Variants in GALNS observed in about 807,000 individuals in gnomAD.
The protein encoded by GALNS is N-acetylgalactosamine-6-sulfatase.
A neutral mutation model predicts 65.9 loss-of-function variants in GALNS; 65 were observed. The observed-to-expected ratio is 0.99, with a 90% CI of 0.81 to 1.21. The LOEUF is 1.21. GALNS is among the 50% of genes most tolerant of loss of function. The pLI, the probability that GALNS is intolerant of heterozygous loss-of-function variation, is 0.00. For missense variants in GALNS, 776 were observed against 700.7 expected, an observed-to-expected ratio of 1.11 and a Z score of -1.21; for synonymous variants, 346 against 288.9, an observed-to-expected ratio of 1.20 and a Z score of -2.00.
intron 13 of GALNS, chr16:88,816,691 T>G: frequency 4.1e-6 from 4 of 985,418 alleles, no homozygotes; most frequent in Non-Finnish European, 4.8e-6. Context: ...GCCCACGCTG[T>G]GGCTCCCTGG....
In GALNS at chr16:88,835,207, A is replaced by G. The variant is rs1474714653; in HGVS notation, c.898+6T>C. The G allele has an allele frequency of 6.3e-6, 10 of 1,575,694 alleles. No homozygotes were observed. Among genetic ancestry groups the G allele is most frequent in the Non-Finnish European group, 8.6e-6 (10 of 1,159,344 alleles). ...GAAACCGTGAGAAGTGACAGCGAGCACTCACCTTGTTCGGGGGCGGAAATG... is the reference window on the plus strand; with the variant it reads ...GAAACCGTGAGAAGTGACAGCGAGCGCTCACCTTGTTCGGGGGCGGAAATG... On this transcript the variant is annotated splice_donor_region_variant and intron_variant, in intron 8 of 13. Transcript: ENST00000268695.
intron 12 of GALNS, among the ~76,000 whole-genome samples, chr16:88,822,048 C>A (rs530168719): frequency 6.6e-6 from 1 of 152,110 alleles, no homozygotes; most frequent in Non-Finnish European, 1.5e-5. Context: ...GCCTCTGTGT[C>A]GCCCCTAAGG....
intron 12 of GALNS, 93 bp downstream of exon 12, chr16:88,822,496 C>T (rs1173535021): frequency 2.0e-6 from 3 of 1,530,224 alleles, no homozygotes; most frequent in Admixed American, 3.4e-5. Context: ...AGGCGGCGGG[C>T]AGGGTGCAGA....
chr16:88,835,875 C>T, intron 6 of GALNS, 26 bp from the exon 7 acceptor site: 1 of 1,613,592 alleles, frequency 6.2e-7, no homozygotes, highest in Non-Finnish European at 8.5e-7. Flanking sequence ...CACCGTCGTC[C>T]TCCAGCCTCA....
chr16:88,822,887 T>C (rs566315025), intron 11 of GALNS, among the ~76,000 whole-genome samples, 177 bp from the exon 12 acceptor site: 1 of 152,154 alleles, frequency 6.6e-6, no homozygotes, highest in South Asian at 2.1e-4. Context: ...CCTAGCAGCG[T>C]CCCTGGTACT....
intron 13 of GALNS, chr16:88,816,965 C>T: frequency 1.0e-6 from 1 of 985,476 alleles, no homozygotes; most frequent in Admixed American, 6.1e-5. Context: ...CGGCCATCTC[C>T]ACTGTGCTCG....
chr16:88,849,275 C>G, intron 1 of GALNS, among the ~76,000 whole-genome samples: 1 of 152,046 alleles, frequency 6.6e-6, no homozygotes, highest in East Asian at 1.9e-4. Context: ...CCACCATGCC[C>G]AGTTAATTAT....
chr16:88,836,039 C>G (rs1912099571), intron 6 of GALNS, among the ~76,000 whole-genome samples, 162 bp downstream of exon 6: 1 of 151,578 alleles, frequency 6.6e-6, no homozygotes, highest in South Asian at 2.1e-4. Context: ...CGGTCCCCGT[C>G]CCCACGCGTC....
Position 88,832,028 on chromosome 16 carries a change from T to C in GALNS, c.972A>G (p.Ala324=), listed in dbSNP as rs1379176734. 3 of 1,613,638 alleles carry C rather than the reference T, an allele frequency of 1.9e-6. No homozygotes were observed. The highest frequency in any genetic ancestry group is 1.7e-6 in the Non-Finnish European group (2 of 1,179,870). The part of the protein sequence containing the change: ...FEGGMREPAL[A]WWPGHVTAGQ... ...CTGCAGTGACGTGCCCTGGCCACCA[T>C]GCGAGGGCAGGCTCCCTCATCCCTC... Residue 324 remains alanine, a synonymous_variant, in exon 9 of 14, where the codon GCA becomes GCG. Transcript: ENST00000268695.
chr16:88,820,551 G>A (rs1420786452), intron 12 of GALNS, among the ~76,000 whole-genome samples: 6 of 152,238 alleles, frequency 3.9e-5, no homozygotes, highest in African/African-American at 1.4e-4. Flanking sequence ...GTTCTCAAAG[G>A]CATGGCCGAC....
chr16:88,829,400 G>C (rs1376562689), intron 9 of GALNS, among the ~76,000 whole-genome samples: 1 of 152,210 alleles, frequency 6.6e-6, no homozygotes, highest in Non-Finnish European at 1.5e-5. Flanking sequence ...CAACAAGGCG[G>C]TCACTCTCAC....
In GALNS at chr16:88,818,007, C is replaced by A; in HGVS notation, c.1482G>T (p.Met494Ile). The change falls in exon 13 of 14, where the codon ATG becomes ATT. Residue 494 changes from methionine to isoleucine, a missense_variant and splice_region_variant. Coordinates refer to ENST00000268695, the MANE Select transcript of GALNS (RefSeq NM_000512.5). ...GGCCGCCCACACACCAGCCACTTAC[C>A]ATGACCGCCCAGTTGCACACGTTGA... ...PQLNVCNWAV[M>I]NWAPPGCEKL... The A allele has an allele frequency of 6.3e-7, 1 of 1,580,218 alleles. No individual in the cohort carries two copies. Among genetic ancestry groups the A allele is most frequent in the East Asian group, 2.3e-5 (1 of 43,078 alleles).
chr16:88,825,622 G>T (rs1910806853), intron 10 of GALNS, among the ~76,000 whole-genome samples: 1 of 151,798 alleles, frequency 6.6e-6, no homozygotes, highest in African/African-American at 2.4e-5. Flanking sequence ...TGGGCGGCCG[G>T]GGCTAGGGTG....
At chr16:88,850,758 G>A (rs891238351) in intron 1 of GALNS, among the ~76,000 whole-genome samples, 14 of 152,346 alleles carry the variant, frequency 9.2e-5, no homozygotes, top group East Asian at 3.9e-4. Context: ...GGATGCTGAC[G>A]GGGAAGCTGT....
chr16:88,847,676 C>A (rs139960473), intron 1 of GALNS, among the ~76,000 whole-genome samples: 1 of 152,216 alleles, frequency 6.6e-6, no homozygotes, highest in Admixed American at 6.5e-5. Context: ...AGAGTCTGAT[C>A]GCTGATTGTC....
intron 1 of GALNS, chr16:88,843,295 G>A (rs1230620242): frequency 9.3e-7 from 1 of 1,076,484 alleles, no homozygotes; most frequent in East Asian, 5.9e-5. Flanking sequence ...CAGTTATCGT[G>A]TGACCCTGCA....
intron 1 of GALNS, among the ~76,000 whole-genome samples, chr16:88,845,980 A>T (rs1209507490): frequency 6.6e-6 from 1 of 152,090 alleles, no homozygotes; most frequent in African/African-American, 2.4e-5. Context: ...AGGGTGAGAC[A>T]CTCTCACTAA....
At chr16:88,831,205 C>G (rs952538898) in intron 9 of GALNS, among the ~76,000 whole-genome samples, 1 of 151,960 alleles carries the variant, frequency 6.6e-6, no homozygotes, top group Admixed American at 6.6e-5. Context: ...GACCTGGTTC[C>G]GAGGAGAGCG....
At chr16:88,855,405 A>T (rs1423910911) in intron 1 of GALNS, 1 of 702,776 alleles carries the variant, frequency 1.4e-6, no homozygotes. Flanking sequence ...GAAAGGATGA[A>T]ATTCTGAAGC....
Sources: gnomAD v4.1 joint callset for allele counts (sites outside exome capture counted in the v4.1 genomes callset) on GRCh38, gnomAD v4.1.1 for gene constraint, MANE v1.5 for transcripts, NCBI Gene and HGNC (gene_info 2026-07-23, HGNC 2026-07-21) for gene names.